Variants in ZFP64 observed in about 807,000 individuals in gnomAD.
The protein encoded by ZFP64 is zinc finger protein 64.
Under a neutral mutation model 51.6 loss-of-function variants are expected in ZFP64, and 14 were observed. The ratio of observed to expected loss-of-function variants is 0.27; its 90% confidence interval spans 0.18 to 0.42. The LOEUF (loss-of-function observed/expected upper bound fraction) is 0.42. Ranked by LOEUF, ZFP64 falls within the 10% of genes least tolerant of loss-of-function variation. ZFP64 has a pLI of 1.00. For missense variants in ZFP64, 754 were observed against 906.8 expected (o/e 0.83, Z 2.16); for synonymous variants, 375 against 361.4 (o/e 1.04, Z -0.43).
exon 9 of ZFP64, chr20:52,084,185 T>G: frequency 9.5e-6 from 2 of 209,644 alleles, no homozygotes; most frequent in African/African-American, 4.6e-5. Flanking sequence ...AGAGATTAGT[T>G]TTAGTTTTCT....
At chr20:52,102,721 T>G (rs185262414) in intron 5 of ZFP64, among the ~76,000 whole-genome samples, 276 of 152,348 alleles carry the variant, frequency 1.8e-3, no homozygotes, top group African/African-American at 6.6e-3. Flanking sequence ...ATTCCAGTTT[T>G]ACCATTAGCT....
intron 2 of ZFP64, among the ~76,000 whole-genome samples, chr20:52,185,939 A>G (rs1421455358): frequency 6.6e-6 from 1 of 151,972 alleles, no homozygotes; most frequent in Non-Finnish European, 1.5e-5. Context: ...TATAAGAGGG[A>G]TTTAGGCCTT....
chr20:52,139,169 C>A (rs1391996180), intron 5 of ZFP64, among the ~76,000 whole-genome samples: 1 of 152,126 alleles, frequency 6.6e-6, no homozygotes, highest in African/African-American at 2.4e-5. Flanking sequence ...CTCAGCAATC[C>A]CATTAATACA....
In ZFP64 at chr20:52,152,673, G is replaced by T; in HGVS notation, c.1519C>A (p.Gln507Lys). The T allele has an allele frequency of 6.5e-7, 1 of 1,542,404 alleles. No homozygotes were observed. Residue 507 changes from glutamine (Q) to lysine (K), a missense_variant, in exon 6 of 6, where the codon CAG becomes AAG. By Grantham distance (53) the Gln-to-Lys change is moderately conservative. Around this residue, in one of 3 missense-constraint regions of ZFP64, gnomAD observed 428 missense variants for 472.4 expected, o/e 0.91. Coordinates refer to ENST00000216923, the MANE Select transcript of ZFP64 (RefSeq NM_018197.3). Reference sequence around the variant, plus strand: ...GCAGCCTGGACGATGGTGTTCGCCTGGGGCACCTGATGCCCAACGATGATT... The same window carrying T: ...GCAGCCTGGACGATGGTGTTCGCCTTGGGCACCTGATGCCCAACGATGATT... ...VKIIVGHQVP[Q>K]ANTIVQAAAA...
chr20:52,158,522 A>G (rs1981511618), intron 5 of ZFP64, among the ~76,000 whole-genome samples: 1 of 152,152 alleles, frequency 6.6e-6, no homozygotes, highest in South Asian at 2.1e-4. Flanking sequence ...GCTGGGCAAC[A>G]TGGTGAAATC....
At chr20:52,108,753 C>T (rs1978388884) in intron 5 of ZFP64, among the ~76,000 whole-genome samples, 1 of 151,976 alleles carries the variant, frequency 6.6e-6, no homozygotes, top group Admixed American at 6.6e-5. Context: ...AAGCAATCCA[C>T]CTGCCTCAGC....
rs769340383 is a variant in ZFP64 at position 52,095,647 on chromosome 20, G to A, written c.976+1726C>T. Among the ~76,000 whole-genome samples the A allele has an allele frequency of 7.9e-5, 12 of 152,268 alleles. No individual in the cohort carries two copies. In the East Asian group the frequency reaches 1.5e-3, roughly 20 times the overall value. ...AAGTTTGCTTACACTAGGGAGGCGC[G>A]TCTGCTTACCTGACTCAAGAACAAG... On this transcript the variant is annotated intron_variant, in intron 7 of 8. Coordinates refer to the ZFP64 transcript ENST00000361387.
intron 1 of ZFP64, among the ~76,000 whole-genome samples, chr20:52,189,527 G>A (rs567552291): frequency 6.6e-6 from 1 of 150,604 alleles, no homozygotes; most frequent in South Asian, 2.1e-4. Flanking sequence ...CCAGGCTGGA[G>A]TGCAAGGGCA....
intron 5 of ZFP64, among the ~76,000 whole-genome samples, chr20:52,128,235 T>C (rs1372990017): frequency 2.0e-5 from 3 of 152,186 alleles, no homozygotes; most frequent in African/African-American, 7.2e-5. Flanking sequence ...GGCCAAGAGT[T>C]TGAGACCAGC....
chr20:52,137,164 T>G (rs980690557), intron 5 of ZFP64, among the ~76,000 whole-genome samples: 1 of 152,244 alleles, frequency 6.6e-6, no homozygotes, highest in Non-Finnish European at 1.5e-5. Flanking sequence ...CATAATTTTG[T>G]TGCTGAGAAG....
chr20:52,089,668 C>G (rs1302911627), intron 7 of ZFP64, among the ~76,000 whole-genome samples: 5 of 150,218 alleles, frequency 3.3e-5, no homozygotes, highest in Non-Finnish European at 7.4e-5. Context: ...CACCTGAGCC[C>G]AGGAGGTTGA....
At position 52,153,473 on chromosome 20, in the gene ZFP64, C is replaced by A; in HGVS notation, c.764-45G>T. On this transcript the variant is annotated intron_variant, in intron 5 of 5. Transcript: ENST00000216923. The surrounding 1 kb of genome is among the most constrained non-coding windows in gnomAD (Gnocchi z 5.1). ...TTCGATAAGAACAGGCAGGCAACAA[C>A]CACAGCGGATCCCCCCGAAGCACAC... 1 of 1,580,346 alleles carries A rather than the reference C, an allele frequency of 6.3e-7. No individual in the cohort carries two copies. The highest frequency in any genetic ancestry group is 1.2e-5 in the South Asian group (1 of 84,536).
At chr20:52,112,528 G>T (rs771318233) in intron 5 of ZFP64, among the ~76,000 whole-genome samples, 7 of 152,018 alleles carry the variant, frequency 4.6e-5, no homozygotes, top group Non-Finnish European at 8.8e-5. Context: ...TAAAGAGAAA[G>T]ATACAAAAAC....
chr20:52,105,184 C>T, intron 5 of ZFP64: 1 of 1,437,514 alleles, frequency 7.0e-7, no homozygotes, highest in Non-Finnish European at 9.0e-7. Flanking sequence ...GGCGCGCAGG[C>T]CGCGGCTCCT....
At chr20:52,176,505 C>CTCTTTTTT (rs1555810297) in intron 2 of ZFP64, among the ~76,000 whole-genome samples, 3 of 136,732 alleles carry the variant, frequency 2.2e-5, no homozygotes, top group African/African-American at 8.3e-5. Context: ...TTCAATCTCT[C>CTCTTTTTT]TTTTTTTTTT....
chr20:52,151,263 A>G, downstream of ZFP64: 1 of 985,342 alleles, frequency 1.0e-6, no homozygotes, highest in Non-Finnish European at 1.2e-6. Flanking sequence ...GCTCTAAAGA[A>G]TCATTAACAT....
intron 1 of ZFP64, among the ~76,000 whole-genome samples, chr20:52,189,562 G>A (rs1012487342): frequency 3.3e-5 from 5 of 150,450 alleles, no homozygotes; most frequent in African/African-American, 9.8e-5. Flanking sequence ...TGCAACCTCC[G>A]CCTCCTAGGT....
In ZFP64 at chr20:52,151,858, GA is replaced by G. The variant is rs1306962098; in HGVS notation, c.*287del. On this transcript the variant is annotated 3_prime_UTR_variant, in exon 6 of 6. Transcript: ENST00000216923. ...CTTGAGGTCAGGAGTTCAACATGATGAAACCCCGTCTCTACTAAATATACAA... is the reference window on the plus strand; with the variant it reads ...CTTGAGGTCAGGAGTTCAACATGATGAACCCCGTCTCTACTAAATATACAA... 6 of 989,486 alleles carry G rather than the reference GA, an allele frequency of 6.1e-6. No homozygotes were observed. The highest frequency in any genetic ancestry group is 1.7e-5 in the African/African-American group (1 of 59,584). 61.3% of individuals were successfully genotyped at this position (989,486 alleles called of 1,614,324 possible). A position where few individuals can be genotyped will look rare whatever the true frequency, so the allele number is the denominator to read the frequency against.
intron 5 of ZFP64, among the ~76,000 whole-genome samples, chr20:52,142,088 C>T (rs1050585295): frequency 6.6e-6 from 1 of 152,000 alleles, no homozygotes; most frequent in Non-Finnish European, 1.5e-5. Context: ...CTTAATGGGC[C>T]TGGCGCGGTG....
Sources: allele counts gnomAD v4.1 joint callset (sites outside exome capture counted in the v4.1 genomes callset), GRCh38; gene constraint gnomAD v4.1.1; regional missense constraint gnomAD v4.1.1; non-coding constraint Gnocchi (gnomAD v3.1); transcripts MANE v1.5; gene names NCBI Gene and HGNC (gene_info 2026-07-23, HGNC 2026-07-21).